Variants in IGF2R observed in about 807,000 individuals in gnomAD.
IGF2R encodes cation-independent mannose-6-phosphate receptor.
IGF2R carries 91 observed loss-of-function variants against 270.6 expected under a neutral mutation model. That is an observed-to-expected ratio of 0.34 (90% CI 0.28 to 0.40). IGF2R has a LOEUF of 0.40. IGF2R is among the 10% of genes least tolerant of loss of function. The pLI is 1.00. For missense variants in IGF2R, 2,805 were observed against 3,188.3 expected (o/e 0.88, Z 2.90); for synonymous variants, 1,316 against 1,258.9 (o/e 1.05, Z -0.96).
At chr6:160,034,593 G>T (rs982701034) in intron 10 of IGF2R, 71 bp downstream of exon 10, 1 of 1,013,472 alleles carries the variant, frequency 9.9e-7, no homozygotes, top group East Asian at 2.4e-5. Flanking sequence ...GTGCACAGGC[G>T]TGTTCTTGGA....
rs1777400531 is a variant in IGF2R at position 160,020,149 on chromosome 6, TAC to T, written c.514-4418_514-4417del. On this transcript the variant is annotated intron_variant, in intron 4 of 47. Transcript: ENST00000356956. ...ATTGTACAAGAATCAATAACATTTCTACACACCAGTAATGATCAAGCTGAGAA... is the reference window on the plus strand; with the variant it reads ...ATTGTACAAGAATCAATAACATTTCTACACCAGTAATGATCAAGCTGAGAA... Among the ~76,000 whole-genome samples the T allele has an allele frequency of 5.3e-5, 8 of 151,914 alleles. No homozygotes were observed. The South Asian group carries it at 1.7e-3, about 32-fold the overall frequency.
intron 17 of IGF2R, 68 bp from the exon 18 acceptor site, chr6:160,048,307 A>G (rs997673786): frequency 1.1e-5 from 16 of 1,454,056 alleles, no homozygotes; most frequent in Middle Eastern, 3.5e-4. Flanking sequence ...CCCCAACTAC[A>G]TAGAAATAAA....
intron 21 of IGF2R, 53 bp downstream of exon 21, chr6:160,058,177 A>C: frequency 8.5e-7 from 1 of 1,182,232 alleles, no homozygotes; most frequent in Non-Finnish European, 1.3e-6. Context: ...GGGAGAGTGC[A>C]TTATTGAAGT....
In IGF2R at chr6:160,088,093, C is replaced by T. The variant is rs1176383873; in HGVS notation, c.6266C>T (p.Ser2089Phe). Reference protein sequence around the residue: ...GYPCGGNKTASSVIELTCTKT... With the variant: ...GYPCGGNKTAFSVIELTCTKT... ...CCGTGTGGTGGAAATAAGACCGCATCCTCCGTGATAGAATTGACCTGTACA... is the reference window on the plus strand; with the variant it reads ...CCGTGTGGTGGAAATAAGACCGCATTCTCCGTGATAGAATTGACCTGTACA... Residue 2089 changes from serine to phenylalanine, a missense_variant, in exon 42 of 48, where the codon TCC becomes TTC. Ser to Phe is a radical substitution (Grantham distance 155). Around this residue, in one of 2 missense-constraint regions of IGF2R, gnomAD observed 1,851 missense variants for 2,207.2 expected, o/e 0.84. Transcript: ENST00000356956. The T allele has an allele frequency of 2.5e-6, 4 of 1,614,026 alleles. No homozygotes were observed. Among genetic ancestry groups the T allele is most frequent in the South Asian group, 2.2e-5 (2 of 91,078 alleles).
At chr6:160,047,473 C>A in intron 16 of IGF2R, 137 bp downstream of exon 16, 1 of 739,492 alleles carries the variant, frequency 1.4e-6, no homozygotes, top group Non-Finnish European at 2.1e-6. Flanking sequence ...GGTGCCTGGG[C>A]AGTATTAGTA....
chr6:160,079,088 C>T (rs1171640225), intron 37 of IGF2R, among the ~76,000 whole-genome samples: 1 of 152,208 alleles, frequency 6.6e-6, no homozygotes, highest in East Asian at 1.9e-4. Context: ...ACCCTGGCTC[C>T]TGTGATGGAG....
chr6:160,003,819 G>C (rs1488218391), intron 2 of IGF2R: 1 of 152,162 alleles, frequency 6.6e-6, no homozygotes, highest in Non-Finnish European at 1.5e-5. Flanking sequence ...GACTGCTACA[G>C]AAAAGGAAAG....
In IGF2R at chr6:160,073,737, C is replaced by T. The variant is rs1778795278; in HGVS notation, c.4948-20C>T. The T allele has an allele frequency of 1.3e-6, 2 of 1,597,282 alleles. No homozygotes were observed. Among genetic ancestry groups the T allele is most frequent in the East Asian group, 4.5e-5 (2 of 44,718 alleles). On this transcript the variant is annotated intron_variant, in intron 34 of 47. Coordinates refer to ENST00000356956, the MANE Select transcript of IGF2R (RefSeq NM_000876.4). ...GGAAAATTTTTTTGTAGACTCAAAG[C>T]AGTCTTTCCTACTTAACAGACCGAA... is the stretch of plus-strand genomic sequence containing the variant.
rs1465072369 is a variant in IGF2R at position 160,111,485 on chromosome 6, A to C, written c.*6401A>C. 1.3e-5 allele frequency: 2 copies of C among 152,226 alleles called. No individual in the cohort carries two copies. The highest frequency in any genetic ancestry group is 1.3e-4 in the Admixed American group (2 of 15,282). The allele number at this position is 152,226 out of a possible 1,614,324, so 9.4% of individuals were successfully genotyped here. A position where few individuals can be genotyped will look rare whatever the true frequency, so the allele number is the denominator to read the frequency against. ...ATTTTATTGTAAGAATACAGTATAT[A>C]ATACATACAACATCGAAAATATGTG... On this transcript the variant is annotated 3_prime_UTR_variant, in exon 48 of 48. Transcript: ENST00000356956.
At chr6:159,988,254 G>A (rs1332490587) in intron 1 of IGF2R, among the ~76,000 whole-genome samples, 1 of 151,968 alleles carries the variant, frequency 6.6e-6, no homozygotes, top group Non-Finnish European at 1.5e-5. Context: ...GGTGGCTCAC[G>A]CCTGTAATCC....
intron 19 of IGF2R, among the ~76,000 whole-genome samples, chr6:160,053,429 A>AAAT: frequency 6.6e-6 from 1 of 152,286 alleles, no homozygotes; most frequent in South Asian, 2.1e-4. Context: ...AAGGTATTAA[A>AAAT]AATAATAATA....
chr6:160,052,316 G>C (rs1241868982), intron 19 of IGF2R, among the ~76,000 whole-genome samples: 1 of 152,178 alleles, frequency 6.6e-6, no homozygotes, highest in Non-Finnish European at 1.5e-5. Context: ...CAAATCATGA[G>C]TGAACTCCCA....
chr6:159,969,822 C>T (rs1783581066), intron 1 of IGF2R, among the ~76,000 whole-genome samples: 1 of 152,186 alleles, frequency 6.6e-6, no homozygotes. Context: ...GGTGAGGCCC[C>T]TCGGTGTGGA....
intron 10 of IGF2R, among the ~76,000 whole-genome samples, chr6:160,036,878 A>C (rs1777839156): frequency 6.6e-6 from 1 of 152,328 alleles, no homozygotes; most frequent in African/African-American, 2.4e-5. Flanking sequence ...CCTAGTTTTT[A>C]GTTATGAAAT....
At chr6:160,046,389 G>T in intron 14 of IGF2R, 109 bp from the exon 15 acceptor site, 1 of 1,080,716 alleles carries the variant, frequency 9.3e-7, no homozygotes, top group Non-Finnish European at 1.3e-6. Context: ...TCTTCCTGCC[G>T]TTGGGAACCT....
At chr6:159,993,827 G>A (rs1292382204) in intron 2 of IGF2R, among the ~76,000 whole-genome samples, 1 of 151,992 alleles carries the variant, frequency 6.6e-6, no homozygotes, top group Non-Finnish European at 1.5e-5. Flanking sequence ...TTATGGTCAT[G>A]TTAACAATAC....
intron 19 of IGF2R, among the ~76,000 whole-genome samples, chr6:160,053,533 A>G (rs182586319): frequency 1.3e-3 from 198 of 152,188 alleles, no homozygotes; most frequent in African/African-American, 4.6e-3. Flanking sequence ...GACTGTGTGG[A>G]GTTTGCTCTG....
At chr6:160,072,734 C>A in intron 32 of IGF2R, 31 bp from the exon 33 acceptor site, 1 of 1,613,912 alleles carries the variant, frequency 6.2e-7, no homozygotes, top group South Asian at 1.1e-5. Context: ...TCCCTGGAGT[C>A]ACTGTGTCCC....
Position 160,032,544 on chromosome 6 carries a change from C to A in IGF2R, c.883-7C>A. On this transcript the variant is annotated splice_region_variant and splice_polypyrimidine_tract_variant and intron_variant, in intron 7 of 47. Transcript: ENST00000356956. ...TTATTTTGCTTCTTTCACATTGTTC[C>A]TGATAGGGCACCATTCCCAAACTCA... 1 of 1,612,664 alleles carries A rather than the reference C, an allele frequency of 6.2e-7. No homozygotes were observed. The highest frequency in any genetic ancestry group is 8.5e-7 in the Non-Finnish European group (1 of 1,179,110).
Sources: gnomAD v4.1 joint callset for allele counts (sites outside exome capture counted in the v4.1 genomes callset) on GRCh38, gnomAD v4.1.1 for gene constraint, gnomAD v4.1.1 regional missense constraint, MANE v1.5 for transcripts, NCBI Gene and HGNC (gene_info 2026-07-23, HGNC 2026-07-21) for gene names.